WWC2: variants seen among roughly 807,000 people sequenced by gnomAD.
WWC2 encodes the protein WW and C2 domain containing 2.
A neutral mutation model predicts 138.5 loss-of-function variants in WWC2; 101 were observed. The observed-to-expected ratio is 0.73, with a 90% CI of 0.62 to 0.86. The LOEUF (loss-of-function observed/expected upper bound fraction) is 0.86, where lower values mean the gene tolerates loss of function less well. WWC2 is among the 40% of genes least tolerant of loss of function. The pLI is 0.00. For missense variants in WWC2, 1,420 were observed against 1,419.4 expected (o/e 1.00, Z -0.01); for synonymous variants, 558 against 538.4 (o/e 1.04, Z -0.50).
intron 21 of WWC2, among the ~76,000 whole-genome samples, chr4:183,300,632 G>T (rs1738804947): frequency 6.6e-6 from 1 of 152,070 alleles, no homozygotes; most frequent in Non-Finnish European, 1.5e-5. Context: ...AATTTGTGGA[G>T]AAAGATATAG....
At chr4:183,118,974 T>C (rs1254429847) in intron 1 of WWC2, among the ~76,000 whole-genome samples, 1 of 152,174 alleles carries the variant, frequency 6.6e-6, no homozygotes, top group Non-Finnish European at 1.5e-5. Context: ...TTTACTTCAT[T>C]CTTAAAGACT....
chr4:183,164,212 T>C (rs529731468), intron 1 of WWC2, among the ~76,000 whole-genome samples: 102 of 149,076 alleles, frequency 6.8e-4, no homozygotes, highest in Middle Eastern at 3.5e-3. Context: ...ACTTGGAAAA[T>C]GTTATGACTT....
intron 16 of WWC2, among the ~76,000 whole-genome samples, chr4:183,276,664 A>G (rs1170070676): frequency 1.3e-5 from 2 of 152,120 alleles, no homozygotes; most frequent in Non-Finnish European, 2.9e-5. Flanking sequence ...GTATTCATTC[A>G]GATTTCCTCA....
intron 1 of WWC2, among the ~76,000 whole-genome samples, chr4:183,161,566 G>A (rs1368838548): frequency 6.6e-6 from 1 of 152,182 alleles, no homozygotes; most frequent in Admixed American, 6.5e-5. Flanking sequence ...GTCACACGCT[G>A]CATAAGGACA....
At chr4:183,199,205 T>C (rs575800269) in intron 2 of WWC2, among the ~76,000 whole-genome samples, 109 of 152,210 alleles carry the variant, frequency 7.2e-4, no homozygotes, top group African/African-American at 2.6e-3. Flanking sequence ...ATGCAGGAAA[T>C]TCAGTGCAGC....
intron 1 of WWC2, among the ~76,000 whole-genome samples, chr4:183,118,486 TC>T (rs1165674114): frequency 6.6e-6 from 1 of 152,224 alleles, no homozygotes; most frequent in Admixed American, 6.5e-5. Flanking sequence ...TGGTTTGAGA[TC>T]AAGTTTGTGA....
At chr4:183,195,536 G>A (rs1735115480) in intron 2 of WWC2, among the ~76,000 whole-genome samples, 2 of 151,972 alleles carry the variant, frequency 1.3e-5, no homozygotes, top group African/African-American at 4.8e-5. Flanking sequence ...CTCCTGTTTG[G>A]TATCTTTACT....
At chr4:183,194,690 A>G (rs547452723) in intron 2 of WWC2, among the ~76,000 whole-genome samples, 2 of 152,268 alleles carry the variant, frequency 1.3e-5, no homozygotes, top group African/African-American at 4.8e-5. Context: ...CAAGAGGCCA[A>G]AAAAGCCTGT....
At chr4:183,300,159 G>C (rs1738782012) in intron 21 of WWC2, among the ~76,000 whole-genome samples, 1 of 152,046 alleles carries the variant, frequency 6.6e-6, no homozygotes. Flanking sequence ...TCTGCAGGTT[G>C]GGCTCCCATC....
At chr4:183,192,868 A>G (rs1251725905) in intron 1 of WWC2, among the ~76,000 whole-genome samples, 1 of 152,174 alleles carries the variant, frequency 6.6e-6, no homozygotes, top group East Asian at 1.9e-4. Flanking sequence ...AAAAAAATCT[A>G]TTGTAATTAA....
intron 11 of WWC2, 117 bp from the exon 12 acceptor site, chr4:183,264,861 T>C: frequency 9.0e-7 from 1 of 1,115,428 alleles, no homozygotes; most frequent in Non-Finnish European, 1.2e-6. Flanking sequence ...TTAACATCCT[T>C]GACTCCCAGA....
intron 1 of WWC2, among the ~76,000 whole-genome samples, chr4:183,185,437 G>A (rs1734762826): frequency 6.6e-6 from 1 of 152,116 alleles, no homozygotes; most frequent in Non-Finnish European, 1.5e-5. Context: ...TTGCTATTTG[G>A]TTTACAAATC....
chr4:183,223,813 G>A (rs1165558609), intron 4 of WWC2, among the ~76,000 whole-genome samples: 2 of 152,020 alleles, frequency 1.3e-5, no homozygotes, highest in African/African-American at 2.4e-5. Flanking sequence ...TCACTGCAAC[G>A]TCTGCCTCCT....
chr4:183,117,215 C>CTTTTTTT (rs923478529), intron 1 of WWC2, among the ~76,000 whole-genome samples: 69 of 95,664 alleles, frequency 7.2e-4, no homozygotes, highest in African/African-American at 1.1e-3. Flanking sequence ...CATTCTTCTT[C>CTTTTTTT]TTTTTTTTTT....
chr4:183,114,568 GA>G (rs1204062215), intron 1 of WWC2, among the ~76,000 whole-genome samples: 1 of 152,116 alleles, frequency 6.6e-6, no homozygotes, highest in Admixed American at 6.5e-5. Flanking sequence ...TGGAAGAGAG[GA>G]AAAGGAGAGG....
At chr4:183,115,013 T>A (rs1440628286) in intron 1 of WWC2, among the ~76,000 whole-genome samples, 1 of 152,098 alleles carries the variant, frequency 6.6e-6, no homozygotes, top group Non-Finnish European at 1.5e-5. Flanking sequence ...TTTTTGATCT[T>A]CACCCTCCTC....
intron 9 of WWC2, among the ~76,000 whole-genome samples, chr4:183,255,998 T>TG (rs1233222984): frequency 6.6e-6 from 1 of 152,030 alleles, no homozygotes; most frequent in Non-Finnish European, 1.5e-5. Context: ...ATCCAGCCAC[T>TG]GGGTTTGTGT....
chr4:183,122,220 G>C (rs1251456355), intron 1 of WWC2, among the ~76,000 whole-genome samples: 2 of 152,152 alleles, frequency 1.3e-5, no homozygotes. Flanking sequence ...GGGCAAGAAT[G>C]GATTATTTAA....
At chr4:183,176,318 C>A (rs780101148) in intron 1 of WWC2, among the ~76,000 whole-genome samples, 14 of 152,114 alleles carry the variant, frequency 9.2e-5, no homozygotes, top group Non-Finnish European at 1.9e-4. Flanking sequence ...TCTTAGTTTT[C>A]TCTTGGTTCT....
Sources: allele counts gnomAD v4.1 joint callset (sites outside exome capture counted in the v4.1 genomes callset), GRCh38; gene constraint gnomAD v4.1.1; transcripts MANE v1.5; gene names NCBI Gene and HGNC (gene_info 2026-07-23, HGNC 2026-07-21).